GNAO1: variants seen among roughly 807,000 people sequenced by gnomAD.
GNAO1 encodes the protein G protein subunit alpha o1.
For synonymous variants in GNAO1, 164 were observed against 180.7 expected (o/e 0.91, Z 0.74); for missense variants, 166 against 478.7 (o/e 0.35, Z 6.10).
At chr16:56,244,921 T>C (rs1376374551) in intron 2 of GNAO1, among the ~76,000 whole-genome samples, 1 of 152,134 alleles carries the variant, frequency 6.6e-6, no homozygotes, top group Non-Finnish European at 1.5e-5. Context: ...CCTGGGGAGC[T>C]CTGAAAATAA....
rs1441100950 is a variant in GNAO1, at chr16:56,300,032, TGTGTGCGC to T, written c.303+23962_303+23969del. On this transcript the variant is annotated intron_variant, in intron 3 of 8. Coordinates refer to ENST00000262493, the MANE Select transcript of GNAO1 (RefSeq NM_020988.3). ...TCGTGTGTGTGTGTGTGTGTGTGTG[TGTGTGCGC>T]GCGCGCGCGCGCACGCACATGTGCT... Among the ~76,000 whole-genome samples the T allele has an allele frequency of 4.6e-3, 620 of 134,954 alleles. 6 individuals carry two copies. Among genetic ancestry groups the T allele is most frequent in the African/African-American group, 0.017 (577 of 33,620 alleles). The allele number at this position is 134,954 out of a possible 152,430, so 88.5% of individuals were successfully genotyped here. A position where few individuals can be genotyped will look rare whatever the true frequency, so the allele number is the denominator to read the frequency against.
intron 3 of GNAO1, among the ~76,000 whole-genome samples, chr16:56,294,901 G>T (rs62039274): frequency 0.28 from 42,686 of 151,906 alleles, 6,450 homozygotes; most frequent in Middle Eastern, 0.35. Flanking sequence ...TGGGCCATGC[G>T]TATATCTTCT....
At chr16:56,297,687 T>C (rs1196667093) in intron 3 of GNAO1, among the ~76,000 whole-genome samples, 2 of 152,176 alleles carry the variant, frequency 1.3e-5, no homozygotes, top group African/African-American at 4.8e-5. Flanking sequence ...TAGGAAATTC[T>C]GGGTTAGTCA....
intron 3 of GNAO1, chr16:56,307,301 A>T (rs559282227): frequency 6.6e-6 from 1 of 152,300 alleles, no homozygotes; most frequent in South Asian, 2.1e-4. Context: ...ATTGGAGGGC[A>T]GCGGCTGGGC....
chr16:56,232,161 T>C lies in GNAO1; in HGVS notation c.161+39545T>C, dbSNP rs541108622. Reference sequence around the variant, plus strand: ...TTACTATTGCTCATCTTTTGATGCATCCTCCCTCCTGCAGCCTCTCCTACA... The same window carrying C: ...TTACTATTGCTCATCTTTTGATGCACCCTCCCTCCTGCAGCCTCTCCTACA... On this transcript the variant is annotated intron_variant, in intron 2 of 8. Coordinates refer to ENST00000262493, the MANE Select transcript of GNAO1 (RefSeq NM_020988.3). Among the ~76,000 whole-genome samples the C allele has an allele frequency of 4.6e-5, 7 of 152,224 alleles. 1 individual carries two copies. In the South Asian group the frequency reaches 1.5e-3, roughly 32 times the overall value.
At chr16:56,197,991 A>G (rs2036249137) in intron 2 of GNAO1, among the ~76,000 whole-genome samples, 1 of 152,202 alleles carries the variant, frequency 6.6e-6, no homozygotes, top group South Asian at 2.1e-4. Flanking sequence ...TATCACCAGA[A>G]TACATCTTGA....
chr16:56,303,890 G>A (rs148761399), intron 3 of GNAO1, among the ~76,000 whole-genome samples: 1 of 152,026 alleles, frequency 6.6e-6, no homozygotes, highest in East Asian at 1.9e-4. Flanking sequence ...TACCCAATGC[G>A]ACACCCTCAT....
intron 2 of GNAO1, among the ~76,000 whole-genome samples, chr16:56,242,049 C>T (rs1384642471): frequency 6.6e-6 from 1 of 152,184 alleles, no homozygotes; most frequent in Non-Finnish European, 1.5e-5. Flanking sequence ...CTCCTGCCAG[C>T]CCAGGACAGT....
intron 2 of GNAO1, among the ~76,000 whole-genome samples, chr16:56,204,606 T>C (rs2036308882): frequency 6.6e-6 from 1 of 152,132 alleles, no homozygotes; most frequent in Non-Finnish European, 1.5e-5. Flanking sequence ...GCTTCAGGAA[T>C]TCTGGGTGGC....
rs148374950 is a variant in GNAO1, at chr16:56,311,146, A to G, written c.304-17485A>G. ...TTTCTAATTGTACCGGCTGGCTTCT[A>G]TCTACCCTGGCCAGGGTGTGGGGCT... On this transcript the variant is annotated intron_variant, in intron 3 of 8. Transcript: ENST00000262493. The surrounding 1 kb of genome is among the most constrained non-coding windows in gnomAD (Gnocchi z 5.2). Among the ~76,000 whole-genome samples the G allele has an allele frequency of 6.9e-6, 1 of 144,918 alleles. No individual in the cohort carries two copies.
At chr16:56,347,765 ACCCCTCCCCTCCCTTTCCCTCCTCT>A in intron 6 of GNAO1, 1 of 188,872 alleles carries the variant, frequency 5.3e-6, no homozygotes, top group Non-Finnish European at 6.3e-6. Context: ...TTCCCTCCCC[ACCCCTCCCCTCCCTTTCCCTCCTCT>A]CCCCTCCCCT....
chr16:56,324,826 T>C (rs1338676025), intron 3 of GNAO1, among the ~76,000 whole-genome samples: 3 of 152,246 alleles, frequency 2.0e-5, no homozygotes, highest in African/African-American at 7.2e-5. Flanking sequence ...TGCACCATTG[T>C]AGCTTCCTTC....
At chr16:56,241,559 C>T (rs2036694250) in intron 2 of GNAO1, among the ~76,000 whole-genome samples, 1 of 152,150 alleles carries the variant, frequency 6.6e-6, no homozygotes, top group African/African-American at 2.4e-5. Context: ...CTATTTAAAG[C>T]AGGTGATACC....
intron 4 of GNAO1, among the ~76,000 whole-genome samples, chr16:56,331,556 T>C (rs1459062461): frequency 6.6e-6 from 1 of 152,062 alleles, no homozygotes; most frequent in African/African-American, 2.4e-5. Flanking sequence ...TAGTACCTGG[T>C]ACCTCCTTTC....
intron 3 of GNAO1, among the ~76,000 whole-genome samples, chr16:56,289,916 TC>T (rs1423011902): frequency 6.6e-6 from 1 of 152,094 alleles, no homozygotes; most frequent in East Asian, 1.9e-4. Flanking sequence ...CTCTCTTGCC[TC>T]CCACCCCGTA....
chr16:56,270,260 T>G (rs1048630528), intron 2 of GNAO1: 1 of 152,280 alleles, frequency 6.6e-6, no homozygotes, highest in Admixed American at 6.5e-5. Context: ...AGTCCTTGGT[T>G]GTTCAGACCT....
chr16:56,296,457 G>T (rs1220092288), intron 3 of GNAO1, among the ~76,000 whole-genome samples: 1 of 152,186 alleles, frequency 6.6e-6, no homozygotes, highest in Non-Finnish European at 1.5e-5. Flanking sequence ...CAACAAGGCT[G>T]CATTCAAGGA....
At chr16:56,303,897 T>G (rs2037367641) in intron 3 of GNAO1, among the ~76,000 whole-genome samples, 1 of 152,098 alleles carries the variant, frequency 6.6e-6, no homozygotes, top group East Asian at 1.9e-4. Context: ...TGCGACACCC[T>G]CATTTTATAG....
At chr16:56,288,316 G>A (rs751933011) in intron 3 of GNAO1, among the ~76,000 whole-genome samples, 2 of 152,230 alleles carry the variant, frequency 1.3e-5, no homozygotes, top group African/African-American at 2.4e-5. Flanking sequence ...CCTGACAGTC[G>A]GCCTGTCCTA....
Sources: allele counts gnomAD v4.1 joint callset (sites outside exome capture counted in the v4.1 genomes callset), GRCh38; gene constraint gnomAD v4.1.1; non-coding constraint Gnocchi (gnomAD v3.1); transcripts MANE v1.5; gene names NCBI Gene and HGNC (gene_info 2026-07-23, HGNC 2026-07-21).